The following CCDC192 variants were observed in gnomAD, a reference collection of about 807,000 sequenced individuals.
CCDC192 encodes coiled-coil domain containing 192.
chr5:127,713,424 G>A (rs1308612575), intron 2 of CCDC192, among the ~76,000 whole-genome samples: 1 of 151,982 alleles, frequency 6.6e-6, no homozygotes, highest in African/African-American at 2.4e-5. Context: ...TTTCTTATTT[G>A]ATAATGAGAG....
intron 6 of CCDC192, 55 bp downstream of exon 6, chr5:127,875,716 T>C (rs955223901): frequency 5.0e-6 from 2 of 397,946 alleles, no homozygotes; most frequent in African/African-American, 4.1e-5. Context: ...GTGATGTATG[T>C]AGTTGTATTG....
intron 5 of CCDC192, among the ~76,000 whole-genome samples, chr5:127,845,192 T>C (rs891415402): frequency 4.6e-5 from 7 of 152,184 alleles, no homozygotes; most frequent in African/African-American, 1.7e-4. Flanking sequence ...CAAGAAGCCA[T>C]GTTCTTGCCT....
intron 2 of CCDC192, among the ~76,000 whole-genome samples, chr5:127,743,967 G>A (rs1225039176): frequency 2.6e-5 from 4 of 151,606 alleles, no homozygotes; most frequent in African/African-American, 4.8e-5. Context: ...GGTGGCGGGC[G>A]CCTGTAGTCC....
chr5:127,819,893 C>T (rs1341476133), intron 5 of CCDC192, among the ~76,000 whole-genome samples: 1 of 152,220 alleles, frequency 6.6e-6, no homozygotes, highest in Admixed American at 6.5e-5. Flanking sequence ...GGTGCTTGCA[C>T]TTGCACAGGC....
intron 5 of CCDC192, among the ~76,000 whole-genome samples, chr5:127,872,557 G>A (rs1054633256): frequency 2.6e-5 from 4 of 152,144 alleles, no homozygotes; most frequent in African/African-American, 7.2e-5. Flanking sequence ...AGTCCCACAG[G>A]TCACCAAGGG....
chr5:127,809,623 A>G (rs1757970720), intron 5 of CCDC192, among the ~76,000 whole-genome samples: 2 of 152,232 alleles, frequency 1.3e-5, no homozygotes, highest in African/African-American at 4.8e-5. Flanking sequence ...AGCCAAGGAC[A>G]TAACATGTAA....
At chr5:127,852,940 A>G (rs1218289883) in intron 5 of CCDC192, among the ~76,000 whole-genome samples, 1 of 152,052 alleles carries the variant, frequency 6.6e-6, no homozygotes, top group Admixed American at 6.5e-5. Flanking sequence ...AATACAAAAA[A>G]TTAGCCGGGT....
intron 1 of CCDC192, 58 bp from the exon 2 acceptor site, chr5:127,707,651 T>C (rs1052778239): frequency 1.0e-5 from 4 of 397,602 alleles, no homozygotes; most frequent in Non-Finnish European, 1.8e-5. Flanking sequence ...GGGGTGTGTG[T>C]GCGCACATGA....
intron 6 of CCDC192, among the ~76,000 whole-genome samples, chr5:127,884,370 G>A (rs201972915): frequency 0.073 from 5,376 of 74,086 alleles, 207 homozygotes; most frequent in East Asian, 0.16. Context: ...AAAAAAAAAA[G>A]AAGAGGGAAG....
chr5:127,938,148 G>A (rs766369615), intron 6 of CCDC192, among the ~76,000 whole-genome samples: 41 of 152,122 alleles, frequency 2.7e-4, no homozygotes, highest in Non-Finnish European at 5.1e-4. Context: ...TTCTTATGTA[G>A]TTTAAGGAGT....
chr5:127,722,983 T>A (rs981258854), intron 2 of CCDC192, among the ~76,000 whole-genome samples: 2 of 152,314 alleles, frequency 1.3e-5, no homozygotes, highest in African/African-American at 4.8e-5. Context: ...TTTTTTAAAT[T>A]CTGAGAAGAA....
intron 5 of CCDC192, among the ~76,000 whole-genome samples, chr5:127,814,386 A>C (rs1758256569): frequency 6.6e-6 from 1 of 152,162 alleles, no homozygotes; most frequent in South Asian, 2.1e-4. Flanking sequence ...TCCCGCATAA[A>C]ACACACTTCC....
At chr5:127,797,471 T>C (rs1757221284) in intron 4 of CCDC192, among the ~76,000 whole-genome samples, 1 of 152,000 alleles carries the variant, frequency 6.6e-6, no homozygotes, top group African/African-American at 2.4e-5. Flanking sequence ...TTGAATAACA[T>C]TAGCTGAATA....
At chr5:127,875,044 A>G (rs954244439) in intron 5 of CCDC192, among the ~76,000 whole-genome samples, 1 of 152,058 alleles carries the variant, frequency 6.6e-6, no homozygotes, top group Middle Eastern at 3.2e-3. Flanking sequence ...TCCCATACTA[A>G]ATATCAGAAA....
chr5:127,776,849 G>A (rs147501448), intron 3 of CCDC192, among the ~76,000 whole-genome samples: 43 of 152,330 alleles, frequency 2.8e-4, no homozygotes, highest in African/African-American at 7.9e-4. Context: ...GAGCCTGCGC[G>A]TGCAGAGAAG....
Position 127,895,264 on chromosome 5 carries a change from A to G in CCDC192, c.535+19603A>G, listed in dbSNP as rs115296358. ...GTTCTCTCCAGTTGCCCCATCTCCT[A>G]TTACTCCTGATGGGATTACACAGGC... On this transcript the variant is annotated intron_variant, in intron 6 of 6. Transcript: ENST00000514853. Among the ~76,000 whole-genome samples the G allele has an allele frequency of 4.9e-3, 742 of 152,036 alleles. 3 individuals carry two copies. The highest frequency in any genetic ancestry group is 0.017 in the African/African-American group (701 of 41,466).
chr5:127,734,348 C>T (rs1006935323), intron 2 of CCDC192, among the ~76,000 whole-genome samples: 2 of 152,006 alleles, frequency 1.3e-5, no homozygotes, highest in East Asian at 3.9e-4. Context: ...TGGGTTGGTT[C>T]CAAGTCTTTG....
intron 2 of CCDC192, among the ~76,000 whole-genome samples, chr5:127,750,964 T>G (rs1754124643): frequency 6.7e-6 from 1 of 148,384 alleles, no homozygotes; most frequent in Non-Finnish European, 1.5e-5. Flanking sequence ...TTCCATTTGC[T>G]TGGTAGATCT....
chr5:127,831,667 A>G (rs1018308020), intron 5 of CCDC192, among the ~76,000 whole-genome samples: 3 of 152,180 alleles, frequency 2.0e-5, no homozygotes, highest in Admixed American at 6.5e-5. Context: ...GTAATCTCTA[A>G]TGATAGAAAT....
Sources: gnomAD v4.1 joint callset for allele counts (sites outside exome capture counted in the v4.1 genomes callset) on GRCh38, gnomAD v4.1.1 for gene constraint, MANE v1.5 for transcripts, NCBI Gene and HGNC (gene_info 2026-07-23, HGNC 2026-07-21) for gene names.